WDR72: variants seen among roughly 807,000 people sequenced by gnomAD.
WDR72 encodes WD repeat domain 72.
Under a neutral mutation model 124.2 loss-of-function variants are expected in WDR72, and 120 were observed. The ratio of observed to expected loss-of-function variants is 0.97; its 90% confidence interval spans 0.83 to 1.12. The LOEUF is 1.12. Among genes scored for constraint, WDR72 ranks in the 50% most tolerant of loss-of-function variants. WDR72 has a pLI of 0.00. For synonymous variants in WDR72, 452 were observed against 441.7 expected, an observed-to-expected ratio of 1.02 and a Z score of -0.29; for missense variants, 1,387 against 1,278.8, an observed-to-expected ratio of 1.08 and a Z score of -1.29.
At chr15:53,723,417 C>T (rs79935407) in intron 2 of WDR72, among the ~76,000 whole-genome samples, 1 of 152,128 alleles carries the variant, frequency 6.6e-6, no homozygotes, top group African/African-American at 2.4e-5. Flanking sequence ...AGAACTTACA[C>T]ATGGTTCAGG....
intron 18 of WDR72, among the ~76,000 whole-genome samples, chr15:53,549,219 G>A (rs1330024256): frequency 6.6e-6 from 1 of 152,158 alleles, no homozygotes; most frequent in African/African-American, 2.4e-5. Context: ...CAGATCTTAT[G>A]GTCTGACAGG....
intron 13 of WDR72, among the ~76,000 whole-genome samples, chr15:53,674,711 T>C (rs1039397255): frequency 6.6e-6 from 1 of 152,182 alleles, no homozygotes; most frequent in Non-Finnish European, 1.5e-5. Context: ...CCTAATATGA[T>C]AACAAACTTA....
At position 53,729,331 on chromosome 15, in the gene WDR72, T is replaced by A. The variant is rs2018131966; in HGVS notation, c.153+3666A>T. 1.3e-5 allele frequency among the ~76,000 whole-genome samples: 2 copies of A among 152,130 alleles called. 1 individual carries two copies. The highest frequency in any genetic ancestry group is 4.1e-4 in the South Asian group (2 of 4,824). On this transcript the variant is annotated intron_variant, in intron 2 of 19. Coordinates refer to ENST00000360509, the MANE Select transcript of WDR72 (RefSeq NM_182758.4). ...CCCTGTCCCTGATGTCAGCTCCCCCTTTCTCCAATATGCCCTTCACATTGC... is the reference window on the plus strand; with the variant it reads ...CCCTGTCCCTGATGTCAGCTCCCCCATTCTCCAATATGCCCTTCACATTGC...
At chr15:53,591,921 G>A (rs969055094) in intron 18 of WDR72, among the ~76,000 whole-genome samples, 12 of 151,934 alleles carry the variant, frequency 7.9e-5, no homozygotes, top group African/African-American at 2.4e-4. Flanking sequence ...ACCTAAACAG[G>A]TACACTTGAA....
chr15:53,564,773 T>G (rs1432262707), intron 18 of WDR72, among the ~76,000 whole-genome samples: 1 of 151,808 alleles, frequency 6.6e-6, no homozygotes, highest in Admixed American at 6.6e-5. Context: ...TCCAGTCACG[T>G]GGGTAAGCAT....
chr15:53,676,989 C>T (rs1046554829), intron 13 of WDR72, among the ~76,000 whole-genome samples: 8 of 149,216 alleles, frequency 5.4e-5, no homozygotes, highest in Non-Finnish European at 7.4e-5. Context: ...GGCACCATCT[C>T]GGCTCACTGC....
intron 13 of WDR72, among the ~76,000 whole-genome samples, chr15:53,672,352 G>C (rs551299855): frequency 3.7e-4 from 55 of 149,796 alleles, no homozygotes; most frequent in Non-Finnish European, 6.8e-4. Context: ...TTTGGAGTGA[G>C]CTGTTTCAGG....
intron 2 of WDR72, among the ~76,000 whole-genome samples, chr15:53,729,096 C>T (rs2018125525): frequency 6.6e-6 from 1 of 152,142 alleles, no homozygotes; most frequent in African/African-American, 2.4e-5. Context: ...TTCTACCAGT[C>T]CCATCCAGCT....
At chr15:53,569,319 A>G (rs1007526164) in intron 18 of WDR72, among the ~76,000 whole-genome samples, 2 of 152,026 alleles carry the variant, frequency 1.3e-5, no homozygotes, top group African/African-American at 4.8e-5. Context: ...GTAATATTAG[A>G]GATGACAAGG....
At chr15:53,677,860 C>T (rs577312708) in intron 13 of WDR72, among the ~76,000 whole-genome samples, 1 of 152,182 alleles carries the variant, frequency 6.6e-6, no homozygotes, top group Admixed American at 6.5e-5. Flanking sequence ...TTATCTACCA[C>T]TAATTGAGTA....
intron 2 of WDR72, among the ~76,000 whole-genome samples, chr15:53,726,264 G>GTGTGTATATATATATATA (rs1555428779): frequency 5.4e-5 from 6 of 110,356 alleles, no homozygotes; most frequent in African/African-American, 2.7e-4. Flanking sequence ...ATGTATGTGT[G>GTGTGTATATATATATATA]TATATATATA....
intron 17 of WDR72, among the ~76,000 whole-genome samples, chr15:53,598,523 C>A (rs1271438604): frequency 6.6e-6 from 1 of 152,044 alleles, no homozygotes; most frequent in Non-Finnish European, 1.5e-5. Flanking sequence ...GCATGTGAGA[C>A]CTTCAGGTCC....
chr15:53,648,509 A>T (rs192673047), intron 14 of WDR72, among the ~76,000 whole-genome samples: 1 of 152,270 alleles, frequency 6.6e-6, no homozygotes, highest in Non-Finnish European at 1.5e-5. Flanking sequence ...AGGTCAGGAA[A>T]GGTATAGGTC....
intron 18 of WDR72, among the ~76,000 whole-genome samples, chr15:53,556,917 GTACACA>G (rs1246504626): frequency 2.0e-5 from 3 of 151,928 alleles, no homozygotes; most frequent in Non-Finnish European, 4.4e-5. Flanking sequence ...TATACATATA[GTACACA>G]TACACATACA....
intron 13 of WDR72, among the ~76,000 whole-genome samples, chr15:53,676,709 A>G (rs1345027392): frequency 1.3e-5 from 2 of 152,172 alleles, no homozygotes; most frequent in African/African-American, 4.8e-5. Flanking sequence ...GAGATCCTAA[A>G]TAGAGAACCT....
intron 13 of WDR72, among the ~76,000 whole-genome samples, chr15:53,699,148 A>G (rs1317823947): frequency 6.6e-6 from 1 of 152,216 alleles, no homozygotes; most frequent in Non-Finnish European, 1.5e-5. Flanking sequence ...ACTCACGTTC[A>G]TTAATTACCT....
At chr15:53,681,556 C>A (rs1290664320) in intron 13 of WDR72, among the ~76,000 whole-genome samples, 1 of 152,032 alleles carries the variant, frequency 6.6e-6, no homozygotes, top group Non-Finnish European at 1.5e-5. Context: ...CTGATTACAG[C>A]CAGTATTTTC....
At chr15:53,586,409 A>G (rs972512933) in intron 18 of WDR72, among the ~76,000 whole-genome samples, 4 of 152,062 alleles carry the variant, frequency 2.6e-5, no homozygotes, top group African/African-American at 9.7e-5. Context: ...TCATAAATCT[A>G]ATCACCATCA....
In WDR72 at chr15:53,711,415, C is replaced by T; in HGVS notation, c.778G>A (p.Gly260Ser). The T allele has an allele frequency of 6.2e-7, 1 of 1,614,154 alleles. No individual in the cohort carries two copies. The highest frequency in any genetic ancestry group is 1.3e-5 in the African/African-American group (1 of 75,046). The change falls in exon 8 of 20, where the codon GGT becomes AGT. Residue 260 changes from glycine to serine, a missense_variant. Physicochemically the swap from Gly to Ser is moderately conservative, Grantham distance 56 (BLOSUM62 0). Coordinates refer to ENST00000360509, the MANE Select transcript of WDR72 (RefSeq NM_182758.4). ...EVSRNGQFFA[G>S]GEVIAAHRIL... is the part of the protein sequence containing the mutation. ...CTGTGAGCAGCAATCACTTCTCCAC[C>T]AGCAAAGAACTGCCCATTTCTACTA...
Sources: gnomAD v4.1 joint callset for allele counts (sites outside exome capture counted in the v4.1 genomes callset) on GRCh38, gnomAD v4.1.1 for gene constraint, MANE v1.5 for transcripts, NCBI Gene and HGNC (gene_info 2026-07-23, HGNC 2026-07-21) for gene names.